Variants in MEGF11 observed in about 807,000 individuals in gnomAD.
MEGF11 encodes multiple epidermal growth factor-like domains protein 11.
A neutral mutation model predicts 146.6 loss-of-function variants in MEGF11; 126 were observed. The observed-to-expected ratio is 0.86, with a 90% confidence interval of 0.74 to 1.00. The LOEUF is 1.00. Among genes scored for constraint, MEGF11 ranks in the 50% least tolerant of loss-of-function variants. MEGF11 has a pLI of 0.00. For synonymous variants in MEGF11, 532 were observed against 583.4 expected (o/e 0.91, Z 1.27); for missense variants, 1,509 against 1,521.2 (o/e 0.99, Z 0.13).
chr15:66,186,779 C>A lies in MEGF11; in HGVS notation c.-8-58368G>T, dbSNP rs140957869. Among the ~76,000 whole-genome samples the A allele has an allele frequency of 2.3e-3, 350 of 152,334 alleles. 4 individuals are homozygous for A. In the Middle Eastern group the frequency reaches 0.031, roughly 13 times the overall value. ...TGGTCTAGACAGGTTTTCTCTCTGT[C>A]CTGTTTGGCCATGAAAACAGACATG... On this transcript the variant is annotated intron_variant, in intron 1 of 25. Coordinates refer to ENST00000395614, the MANE Select transcript of MEGF11 (RefSeq NM_001385028.1).
intron 14 of MEGF11, 28 bp downstream of exon 14, chr15:65,922,795 C>T (rs2079220326): frequency 1.9e-6 from 3 of 1,611,714 alleles, no homozygotes; most frequent in South Asian, 2.2e-5. Flanking sequence ...GCCCTCTGAG[C>T]TCTTCGGGGT....
rs1395708790 is a variant in MEGF11, at chr15:66,252,677, T to A, written c.-9+928A>T. 2.0e-5 allele frequency among the ~76,000 whole-genome samples: 3 copies of A among 152,184 alleles called. No individual in the cohort carries two copies. In the East Asian group the frequency reaches 5.8e-4, roughly 29 times the overall value. Reference sequence around the variant, plus strand: ...ATCCCACTCAGGGACCTTGACGCCCTCGAGGAACGATTCTGCCTATTTTTA... The same window carrying A: ...ATCCCACTCAGGGACCTTGACGCCCACGAGGAACGATTCTGCCTATTTTTA... On this transcript the variant is annotated intron_variant, in intron 1 of 25. Transcript: ENST00000395614.
intron 1 of MEGF11, among the ~76,000 whole-genome samples, chr15:66,240,885 C>A (rs367575861): frequency 3.9e-5 from 6 of 152,282 alleles, no homozygotes; most frequent in African/African-American, 1.4e-4. Context: ...TCTTCCGTGG[C>A]ATCAGAAATA....
chr15:66,185,360 C>A (rs1396681980), intron 1 of MEGF11, among the ~76,000 whole-genome samples: 1 of 152,222 alleles, frequency 6.6e-6, no homozygotes, highest in Non-Finnish European at 1.5e-5. Flanking sequence ...CTCAAAGCCA[C>A]TTTGCATAAA....
intron 1 of MEGF11, among the ~76,000 whole-genome samples, chr15:66,133,977 C>T (rs2088774479): frequency 1.3e-5 from 2 of 152,084 alleles, no homozygotes; most frequent in Admixed American, 1.3e-4. Context: ...CTCCAAGTCC[C>T]TGCTCCACCA....
intron 1 of MEGF11, among the ~76,000 whole-genome samples, chr15:66,204,590 G>A (rs1224782153): frequency 1.3e-5 from 2 of 152,126 alleles, no homozygotes; most frequent in Admixed American, 1.3e-4. Context: ...CTCTCTCTGA[G>A]CCTCAGGTTA....
At chr15:66,021,632 C>T (rs866927053) in intron 5 of MEGF11, among the ~76,000 whole-genome samples, 1 of 152,178 alleles carries the variant, frequency 6.6e-6, no homozygotes, top group Non-Finnish European at 1.5e-5. Context: ...AGCCAGTGCC[C>T]GGGGCTCAAG....
rs766255062 is a variant in MEGF11, at chr15:65,909,729, C to T, written c.2896+11G>A. The T allele has an allele frequency of 9.0e-5, 141 of 1,567,104 alleles. 2 individuals are homozygous for T. The South Asian group carries it at 1.5e-3, about 17-fold the overall frequency. On this transcript the variant is annotated intron_variant, in intron 22 of 25. Transcript: ENST00000395614. ...CATGATGGTGGGGACCAGACTCACA[C>T]CACTACTGACCTAACACGTTCACAT...
At chr15:65,930,778 T>C in intron 11 of MEGF11, 45 bp downstream of exon 11, 1 of 1,531,898 alleles carries the variant, frequency 6.5e-7, no homozygotes, top group South Asian at 1.2e-5. Context: ...ACCTGGGGAA[T>C]GTGCTCATAT....
chr15:66,149,338 C>G (rs767435751), intron 1 of MEGF11, among the ~76,000 whole-genome samples: 35 of 152,320 alleles, frequency 2.3e-4, no homozygotes, highest in Non-Finnish European at 2.1e-4. Flanking sequence ...TGGCCTTGAC[C>G]GTCACTTGAT....
intron 9 of MEGF11, among the ~76,000 whole-genome samples, chr15:65,961,615 G>C (rs1365273470): frequency 6.6e-6 from 1 of 152,230 alleles, no homozygotes; most frequent in Non-Finnish European, 1.5e-5. Context: ...TAAAGGGAAT[G>C]AAGAGTTGGA....
chr15:66,135,561 G>T (rs1219579039), intron 1 of MEGF11, among the ~76,000 whole-genome samples: 1 of 152,146 alleles, frequency 6.6e-6, no homozygotes, highest in South Asian at 2.1e-4. Flanking sequence ...GCCTCTCCCT[G>T]CAGGAAGCCT....
At chr15:66,212,744 G>A (rs888918298) in intron 1 of MEGF11, among the ~76,000 whole-genome samples, 3 of 152,064 alleles carry the variant, frequency 2.0e-5, no homozygotes, top group African/African-American at 7.2e-5. Context: ...GATGTCCTGA[G>A]GTGGCAGCCA....
chr15:65,920,811 T>TTAA (rs1375027742), intron 15 of MEGF11, among the ~76,000 whole-genome samples: 1 of 152,242 alleles, frequency 6.6e-6, no homozygotes, highest in East Asian at 1.9e-4. Context: ...GCAGTTGCCA[T>TTAA]TAATAGCAAA....
Position 66,164,151 on chromosome 15 carries a change from C to G in MEGF11, c.-8-35740G>C, listed in dbSNP as rs138121890. Among the ~76,000 whole-genome samples the G allele has an allele frequency of 6.4e-3, 976 of 152,242 alleles. 44 individuals carry two copies. The highest frequency in any genetic ancestry group is 0.057 in the Admixed American group (871 of 15,294). ...GAACGAAGCTAAACCAGAGGTGGAG[C>G]CACCACACATGTTTCTGGAGGCTGG... On this transcript the variant is annotated intron_variant, in intron 1 of 25. Transcript: ENST00000395614.
intron 5 of MEGF11, among the ~76,000 whole-genome samples, chr15:66,082,873 G>C (rs2085951755): frequency 6.6e-6 from 1 of 151,892 alleles, no homozygotes; most frequent in Non-Finnish European, 1.5e-5. Flanking sequence ...TTTGGCAGTG[G>C]CCCTTCCTAG....
At chr15:65,993,709 T>C (rs1475706064) in intron 5 of MEGF11, among the ~76,000 whole-genome samples, 1 of 152,158 alleles carries the variant, frequency 6.6e-6, no homozygotes, top group Admixed American at 6.5e-5. Flanking sequence ...TTCCCAGCCA[T>C]GTAGGCTCTG....
chr15:66,009,433 AC>A (rs1223265568), intron 5 of MEGF11, among the ~76,000 whole-genome samples: 1 of 151,682 alleles, frequency 6.6e-6, no homozygotes, highest in African/African-American at 2.4e-5. Flanking sequence ...TGTTAGGCTG[AC>A]TCACATCTAT....
At chr15:65,924,871 C>T (rs552738053) in intron 13 of MEGF11, among the ~76,000 whole-genome samples, 74 of 152,204 alleles carry the variant, frequency 4.9e-4, no homozygotes, top group African/African-American at 1.5e-3. Flanking sequence ...TCAAGTGATC[C>T]GCCCGCCTCA....
Sources: gnomAD v4.1 joint callset for allele counts (sites outside exome capture counted in the v4.1 genomes callset) on GRCh38, gnomAD v4.1.1 for gene constraint, MANE v1.5 for transcripts, NCBI Gene and HGNC (gene_info 2026-07-23, HGNC 2026-07-21) for gene names.